The following MCTP1 variants were observed in gnomAD, a reference collection of about 807,000 sequenced individuals.
MCTP1 encodes the protein multiple C2 and transmembrane domain containing 1, also known as multiple C2 and transmembrane domain-containing protein 1.
In MCTP1, 69 loss-of-function variants were observed where a neutral mutation model predicts 120.6. That is an observed-to-expected ratio of 0.57 (90% CI 0.47 to 0.70). The LOEUF is 0.70. MCTP1 is among the 30% of genes least tolerant of loss of function. The probability of loss-of-function intolerance (pLI) is 0.00; values close to 1 mark genes in which losing one functional copy is unlikely to be tolerated. For missense variants in MCTP1, 1,203 were observed against 1,248.8 expected, an observed-to-expected ratio of 0.96 and a Z score of 0.55; for synonymous variants, 529 against 493.1, an observed-to-expected ratio of 1.07 and a Z score of -0.96.
At position 94,925,416 on chromosome 5, in the gene MCTP1, G is replaced by GT. The variant is rs555530800; in HGVS notation, c.1213-1396dup. Among the ~76,000 whole-genome samples, 131 of 148,910 alleles carry GT rather than the reference G, an allele frequency of 8.8e-4. 1 individual carries two copies. Among genetic ancestry groups the GT allele is most frequent in the South Asian group, 3.2e-3 (15 of 4,710 alleles). On this transcript the variant is annotated intron_variant, in intron 6 of 22. Coordinates refer to ENST00000515393, the MANE Select transcript of MCTP1 (RefSeq NM_024717.7). ...GAGGCAAAGTGACTGTTTTTTTCTGGTTTTTTTTTTGAGACAGAGTCTTGC... is the reference window on the plus strand; with the variant it reads ...GAGGCAAAGTGACTGTTTTTTTCTGGTTTTTTTTTTTGAGACAGAGTCTTGC...
intron 1 of MCTP1, among the ~76,000 whole-genome samples, chr5:95,225,405 A>T: frequency 6.6e-6 from 1 of 152,218 alleles, no homozygotes; most frequent in East Asian, 1.9e-4. Context: ...AACTCCAGAC[A>T]GTAATGGCTT....
At chr5:95,270,358 C>T (rs561383869) in intron 1 of MCTP1, among the ~76,000 whole-genome samples, 1 of 152,204 alleles carries the variant, frequency 6.6e-6, no homozygotes, top group African/African-American at 2.4e-5. Flanking sequence ...TTGTAAAATG[C>T]AGAAGACATC....
chr5:94,714,768 G>T lies in MCTP1; in HGVS notation c.2720+9C>A. ...AGAAGAATGGGGCTCACAGGTCACC[G>T]TCACTCACTTCTTTATCCTTTCGCC... On this transcript the variant is annotated intron_variant, in intron 20 of 22. Coordinates refer to ENST00000515393, the MANE Select transcript of MCTP1 (RefSeq NM_024717.7). 3 of 1,491,352 alleles carry T rather than the reference G, an allele frequency of 2.0e-6. No homozygotes were observed. Among genetic ancestry groups the T allele is most frequent in the Non-Finnish European group, 2.8e-6 (3 of 1,067,846 alleles). 92.4% of individuals were successfully genotyped at this position (1,491,352 alleles called of 1,614,324 possible).
At chr5:94,731,549 T>TAC (rs1457218646) in intron 19 of MCTP1, among the ~76,000 whole-genome samples, 1 of 152,220 alleles carries the variant, frequency 6.6e-6, no homozygotes, top group African/African-American at 2.4e-5. Context: ...ATGTCAGATA[T>TAC]ACACAAACGT....
intron 1 of MCTP1, among the ~76,000 whole-genome samples, chr5:95,142,288 T>C (rs915352731): frequency 3.3e-5 from 5 of 152,096 alleles, no homozygotes; most frequent in African/African-American, 7.2e-5. Context: ...TAAGAAGAAG[T>C]GTGGCTTATG....
At chr5:95,223,926 G>A (rs1219706863) in intron 1 of MCTP1, among the ~76,000 whole-genome samples, 2 of 152,146 alleles carry the variant, frequency 1.3e-5, no homozygotes, top group Non-Finnish European at 2.9e-5. Context: ...TTTATGATCA[G>A]CTCAAATAGA....
chr5:94,874,947 G>A (rs1352677788), intron 12 of MCTP1, among the ~76,000 whole-genome samples: 2 of 152,040 alleles, frequency 1.3e-5, no homozygotes, highest in Non-Finnish European at 2.9e-5. Flanking sequence ...GGAAATGCTG[G>A]GTAATGTTTT....
intron 10 of MCTP1, among the ~76,000 whole-genome samples, chr5:94,900,492 A>C (rs181675250): frequency 6.6e-6 from 1 of 152,102 alleles, no homozygotes; most frequent in African/African-American, 2.4e-5. Flanking sequence ...CCACTTCTAT[A>C]TTGTCTCCTA....
intron 1 of MCTP1, among the ~76,000 whole-genome samples, chr5:95,224,278 C>A (rs1754016309): frequency 6.6e-6 from 1 of 152,176 alleles, no homozygotes; most frequent in Non-Finnish European, 1.5e-5. Context: ...GGGAATTAGT[C>A]TTCTACACAC....
chr5:94,923,883 C>T lies in MCTP1; in HGVS notation c.1272+79G>A, dbSNP rs544286775. 6.1e-6 allele frequency: 5 copies of T among 815,034 alleles called. No individual in the cohort carries two copies. The East Asian group carries it at 1.5e-4, about 24-fold the overall frequency. The allele number at this position is 815,034 out of a possible 1,614,324, so 50.5% of individuals were successfully genotyped here. On this transcript the variant is annotated intron_variant, in intron 7 of 22. Coordinates refer to ENST00000515393, the MANE Select transcript of MCTP1 (RefSeq NM_024717.7). ...GAAGCCTATCTTAAAAAATGAAACT[C>T]TTAGTTGCCATGTAACTTTCAAAAT...
chr5:95,193,989 T>C (rs560324609), intron 1 of MCTP1, among the ~76,000 whole-genome samples: 1 of 152,204 alleles, frequency 6.6e-6, no homozygotes, highest in East Asian at 1.9e-4. Flanking sequence ...GGTGGGTAGA[T>C]CACTTGAGAT....
At chr5:94,909,096 G>C (rs1253923356) in intron 10 of MCTP1, among the ~76,000 whole-genome samples, 155 bp downstream of exon 10, 1 of 151,992 alleles carries the variant, frequency 6.6e-6, no homozygotes, top group African/African-American at 2.4e-5. Context: ...GTCAGTTTTT[G>C]AATCTATTTT....
chr5:94,783,006 C>A (rs1373972884), intron 18 of MCTP1, among the ~76,000 whole-genome samples: 1 of 151,980 alleles, frequency 6.6e-6, no homozygotes, highest in Non-Finnish European at 1.5e-5. Context: ...AGGAAGGGCA[C>A]TAGGGAAATC....
chr5:95,051,034 G>C (rs1745770790), intron 1 of MCTP1, among the ~76,000 whole-genome samples: 1 of 152,138 alleles, frequency 6.6e-6, no homozygotes, highest in African/African-American at 2.4e-5. Context: ...TTCAGAAGGA[G>C]CATAGCCCTG....
At chr5:95,194,343 C>T (rs1750151128) in intron 1 of MCTP1, among the ~76,000 whole-genome samples, 1 of 152,166 alleles carries the variant, frequency 6.6e-6, no homozygotes, top group Non-Finnish European at 1.5e-5. Flanking sequence ...GGCAGTTTGG[C>T]TGCCTACAAC....
intron 1 of MCTP1, among the ~76,000 whole-genome samples, chr5:95,118,908 A>C (rs944532370): frequency 1.3e-5 from 2 of 152,258 alleles, no homozygotes; most frequent in African/African-American, 2.4e-5. Context: ...AGAACTAAAG[A>C]GAGAAATAGA....
chr5:94,801,413 T>C (rs533171905), intron 17 of MCTP1, among the ~76,000 whole-genome samples: 1 of 152,384 alleles, frequency 6.6e-6, no homozygotes, highest in Non-Finnish European at 1.5e-5. Context: ...CAATCTGGGA[T>C]ACTACTAACA....
intron 7 of MCTP1, 96 bp downstream of exon 7, chr5:94,923,866 T>C (rs1812327240): frequency 2.9e-6 from 2 of 697,962 alleles, no homozygotes; most frequent in Non-Finnish European, 2.4e-6. Context: ...TGGAAGCCTA[T>C]CTTAAAAAAT....
chr5:94,855,792 T>C (rs755813589), intron 17 of MCTP1, among the ~76,000 whole-genome samples: 2 of 151,824 alleles, frequency 1.3e-5, no homozygotes, highest in Non-Finnish European at 2.9e-5. Context: ...AACACCATGA[T>C]GAGATAAACA....
Sources: allele counts gnomAD v4.1 joint callset (sites outside exome capture counted in the v4.1 genomes callset), GRCh38; gene constraint gnomAD v4.1.1; transcripts MANE v1.5; gene names NCBI Gene and HGNC (gene_info 2026-07-23, HGNC 2026-07-21).